Variants in ROBO2 observed in about 807,000 individuals in gnomAD.
ROBO2 encodes the protein roundabout homolog 2.
ROBO2 carries 53 observed loss-of-function variants against 160.8 expected under a neutral mutation model. The ratio of observed to expected loss-of-function variants is 0.33; its 90% CI spans 0.26 to 0.41. ROBO2 has a LOEUF of 0.41. Ranked by LOEUF, ROBO2 falls within the 10% of genes least tolerant of loss-of-function variation. The pLI is 1.00. For synonymous variants in ROBO2, 664 were observed against 611.7 expected, an observed-to-expected ratio of 1.09 and a Z score of -1.26; for missense variants, 1,577 against 1,722.4, an observed-to-expected ratio of 0.92 and a Z score of 1.49.
intron 2 of ROBO2, among the ~76,000 whole-genome samples, chr3:76,798,415 A>T (rs181571348): frequency 2.0e-5 from 3 of 152,294 alleles, no homozygotes; most frequent in East Asian, 1.9e-4. Context: ...CCCTAAAAAG[A>T]TCATTCAGCA....
At chr3:77,024,246 G>A (rs2149519803) in intron 2 of ROBO2, among the ~76,000 whole-genome samples, 1 of 152,294 alleles carries the variant, frequency 6.6e-6, no homozygotes. Context: ...AAAATGTTTA[G>A]AGGGAATCCA....
intron 2 of ROBO2, among the ~76,000 whole-genome samples, chr3:76,000,081 A>G (rs1042044798): frequency 2.0e-5 from 3 of 152,228 alleles, no homozygotes; most frequent in Non-Finnish European, 2.9e-5. Context: ...TCACAGTTCC[A>G]CGTGGCTGGG....
intron 2 of ROBO2, among the ~76,000 whole-genome samples, chr3:76,767,747 A>T (rs1231150669): frequency 6.6e-6 from 1 of 151,490 alleles, no homozygotes; most frequent in Non-Finnish European, 1.5e-5. Flanking sequence ...TTGTATAGTG[A>T]GTACAGGAGA....
intron 5 of ROBO2, among the ~76,000 whole-genome samples, chr3:77,515,576 G>A (rs555983350): frequency 2.0e-5 from 3 of 151,860 alleles, no homozygotes; most frequent in African/African-American, 7.2e-5. Flanking sequence ...AAGCTTAACT[G>A]TGATGTTAAC....
chr3:77,026,343 G>A (rs903739387), intron 2 of ROBO2, among the ~76,000 whole-genome samples: 44 of 152,130 alleles, frequency 2.9e-4, no homozygotes, highest in African/African-American at 9.7e-4. Context: ...ATGAAATATA[G>A]TAGATGAACT....
intron 2 of ROBO2, among the ~76,000 whole-genome samples, chr3:76,883,458 A>G (rs2073566153): frequency 6.6e-6 from 1 of 152,292 alleles, no homozygotes; most frequent in South Asian, 2.1e-4. Context: ...CTGACTTGTT[A>G]TCTGGGTTCT....
intron 2 of ROBO2, among the ~76,000 whole-genome samples, chr3:76,798,294 AAG>A (rs2063914234): frequency 2.6e-5 from 4 of 151,138 alleles, no homozygotes; most frequent in East Asian, 2.0e-4. Flanking sequence ...GAAAGAAAGA[AAG>A]AAAGAAAGAA....
chr3:76,500,153 C>T (rs1045821129), intron 2 of ROBO2, among the ~76,000 whole-genome samples: 5 of 152,098 alleles, frequency 3.3e-5, no homozygotes, highest in African/African-American at 1.2e-4. Context: ...TAATCTCAAT[C>T]TGTCACCCGG....
At chr3:77,327,773 G>C (rs931616332) in intron 2 of ROBO2, among the ~76,000 whole-genome samples, 5 of 152,130 alleles carry the variant, frequency 3.3e-5, no homozygotes, top group Non-Finnish European at 7.4e-5. Context: ...TTAATGGCCA[G>C]GTGTCGTGGC....
At chr3:76,392,610 A>G (rs73118835) in intron 2 of ROBO2, among the ~76,000 whole-genome samples, 1 of 152,272 alleles carries the variant, frequency 6.6e-6, no homozygotes, top group Non-Finnish European at 1.5e-5. Flanking sequence ...TTTCCACTTT[A>G]GGGATTAAGT....
At chr3:76,643,463 G>T (rs2090806924) in intron 2 of ROBO2, among the ~76,000 whole-genome samples, 1 of 152,110 alleles carries the variant, frequency 6.6e-6, no homozygotes, top group South Asian at 2.1e-4. Flanking sequence ...TAAAATTAGT[G>T]CTGATTAGAG....
At chr3:76,897,279 C>CAA (rs11371862) in intron 2 of ROBO2, among the ~76,000 whole-genome samples, 3,722 of 150,772 alleles carry the variant, frequency 0.025, 73 homozygotes, top group African/African-American at 0.056. Context: ...CTGCTTTCAC[C>CAA]AAAAAAAAAT....
At chr3:77,372,550 A>G (rs868017314) in intron 2 of ROBO2, among the ~76,000 whole-genome samples, 1 of 152,204 alleles carries the variant, frequency 6.6e-6, no homozygotes. Flanking sequence ...TCAGTAGTAA[A>G]TGTATAAAAC....
intron 1 of ROBO2, among the ~76,000 whole-genome samples, chr3:75,909,959 G>A (rs996953337): frequency 2.0e-5 from 3 of 152,156 alleles, no homozygotes; most frequent in Admixed American, 1.3e-4. Context: ...TCAACTTCTA[G>A]TTATGCCATG....
intron 2 of ROBO2, among the ~76,000 whole-genome samples, chr3:76,943,844 T>C (rs1313679227): frequency 6.6e-6 from 1 of 152,240 alleles, no homozygotes; most frequent in African/African-American, 2.4e-5. Flanking sequence ...TGTCATTTAC[T>C]CTTCAGAGGA....
In ROBO2 at chr3:76,506,128, G is replaced by A. The variant is rs557380032; in HGVS notation, c.109+568526G>A. On this transcript the variant is annotated intron_variant, in intron 2 of 26. Transcript: ENST00000487694. ...GTCTCTGTCTAGTTCAACAGCCCTC[G>A]GTGAATTCCTTTTACTTACAAAGGG... is the stretch of plus-strand genomic sequence containing the variant. 1.5e-4 allele frequency among the ~76,000 whole-genome samples: 23 copies of A among 152,156 alleles called. No homozygotes were observed. The South Asian group carries it at 2.1e-3, about 14-fold the overall frequency.
At chr3:77,154,131 A>G (rs1235451592) in intron 2 of ROBO2, among the ~76,000 whole-genome samples, 1 of 151,328 alleles carries the variant, frequency 6.6e-6, no homozygotes, top group South Asian at 2.1e-4. Flanking sequence ...CTGAAAAAAA[A>G]ACTTGTGAGA....
chr3:76,717,382 C>T (rs2093396778), intron 2 of ROBO2, among the ~76,000 whole-genome samples: 1 of 151,770 alleles, frequency 6.6e-6, no homozygotes, highest in African/African-American at 2.4e-5. Flanking sequence ...ATCCCAGCTA[C>T]TCAGGTGGCT....
intron 2 of ROBO2, among the ~76,000 whole-genome samples, chr3:77,184,443 A>G (rs779617753): frequency 1.3e-5 from 2 of 152,024 alleles, no homozygotes. Flanking sequence ...AGTGAGTGGA[A>G]AAATATATGA....
Sources: allele counts gnomAD v4.1 joint callset (sites outside exome capture counted in the v4.1 genomes callset), GRCh38; gene constraint gnomAD v4.1.1; transcripts MANE v1.5; gene names NCBI Gene and HGNC (gene_info 2026-07-23, HGNC 2026-07-21).